CASK: variants seen among roughly 807,000 people sequenced by gnomAD.
CASK encodes the protein calcium/calmodulin dependent serine protein kinase, also known as peripheral plasma membrane protein CASK.
CASK carries 4 observed loss-of-function variants against 82.9 expected under a neutral mutation model. That is an observed-to-expected ratio of 0.05 (90% CI 0.02 to 0.11). The LOEUF is 0.11. Ranked by LOEUF, CASK falls within the 10% of genes least tolerant of loss-of-function variation. The pLI is 1.00. For synonymous variants in CASK, 259 were observed against 253.5 expected, an observed-to-expected ratio of 1.02 and a Z score of -0.20; for missense variants, 358 against 720.9, an observed-to-expected ratio of 0.50 and a Z score of 5.76.
At chrX:41,555,551 C>T (rs1401888650) in intron 20 of CASK, 49 bp downstream of exon 20, 2 of 967,333 alleles carry the variant, frequency 2.1e-6, no homozygotes, top group Non-Finnish European at 3.0e-6. Context: ...AAAGGATTGG[C>T]TATTAGCTGC....
At chrX:41,841,469 C>A (rs1316078556) in intron 2 of CASK, among the ~76,000 whole-genome samples, 1 of 107,527 alleles carries the variant, frequency 9.3e-6, no homozygotes, top group African/African-American at 3.4e-5. Flanking sequence ...ATATGATTTG[C>A]AAATAGTTCC....
Position 41,531,264 on chromosome X carries a change from C to T in CASK, c.2318-55G>A, listed in dbSNP as rs1050084691. ...AAAGGCTGAGCTGATGAGCTTACTA[C>T]ACTCCCAACAGATTTACTCAAACCC... On this transcript the variant is annotated intron_variant, in intron 24 of 26. Coordinates refer to ENST00000378163, the MANE Select transcript of CASK (RefSeq NM_001367721.1). 3 of 913,491 alleles carry T rather than the reference C, an allele frequency of 3.3e-6. No homozygotes were observed. In the African/African-American group the frequency reaches 5.8e-5, roughly 18 times the overall value. 75.3% of individuals were successfully genotyped at this position (913,491 alleles called of 1,213,427 possible). A position where few individuals can be genotyped will look rare whatever the true frequency, so the allele number is the denominator to read the frequency against.
chrX:41,799,080 A>T (rs1169168493), intron 2 of CASK, among the ~76,000 whole-genome samples: 1 of 112,656 alleles, frequency 8.9e-6, no homozygotes, highest in Non-Finnish European at 1.9e-5. Flanking sequence ...AATAAAGCTC[A>T]ATCAAGCAAA....
chrX:41,608,444 G>T (rs186249629), intron 12 of CASK, among the ~76,000 whole-genome samples: 40 of 111,932 alleles, frequency 3.6e-4, no homozygotes, highest in African/African-American at 1.3e-3. Context: ...AACACATTCT[G>T]GGAAATTTTG....
intron 5 of CASK, among the ~76,000 whole-genome samples, chrX:41,700,678 C>T (rs1439928141): frequency 2.9e-5 from 3 of 102,142 alleles, no homozygotes; most frequent in Admixed American, 1.1e-4. Context: ...CTCCTGGGTT[C>T]AAGCAATTCT....
At chrX:41,718,274 T>C (rs1215006922) in intron 5 of CASK, among the ~76,000 whole-genome samples, 2 of 113,263 alleles carry the variant, frequency 1.8e-5, no homozygotes, top group African/African-American at 6.4e-5. Flanking sequence ...CTTTGTAATA[T>C]ACTTTATAAT....
At chrX:41,599,487 C>T (rs746352952) in intron 12 of CASK, among the ~76,000 whole-genome samples, 1 of 112,171 alleles carries the variant, frequency 8.9e-6, no homozygotes, top group South Asian at 3.7e-4. Context: ...ATCCTGACAG[C>T]AAAAGAACCT....
rs754272384 is a variant in CASK at position 41,525,766 on chromosome X, C to G, written c.2521-1732G>C. ...CTCTTGGCTGAAGGGACTCTCTTAG[C>G]CTCTTTGTGTATACAGGCATGTAAG... On this transcript the variant is annotated intron_variant, in intron 25 of 26. Coordinates refer to ENST00000378163, the MANE Select transcript of CASK (RefSeq NM_001367721.1). Among the ~76,000 whole-genome samples, 488 of 112,283 alleles carry G rather than the reference C, an allele frequency of 4.3e-3. 3 individuals are homozygous for G. The highest frequency in any genetic ancestry group is 0.015 in the African/African-American group (467 of 30,908).
At chrX:41,791,679 C>T (rs1411285291) in intron 2 of CASK, among the ~76,000 whole-genome samples, 1 of 106,708 alleles carries the variant, frequency 9.4e-6, no homozygotes, top group African/African-American at 3.4e-5. Flanking sequence ...GCCGAGATCA[C>T]GCCACTGCAT....
chrX:41,809,946 A>G (rs185900442), intron 2 of CASK, among the ~76,000 whole-genome samples: 12 of 112,561 alleles, frequency 1.1e-4, no homozygotes, highest in Non-Finnish European at 2.1e-4. Flanking sequence ...ACAAATGCAC[A>G]AGCTTCAGTA....
intron 2 of CASK, among the ~76,000 whole-genome samples, chrX:41,852,890 T>C (rs1268672163): frequency 9.0e-6 from 1 of 111,173 alleles, no homozygotes; most frequent in Non-Finnish European, 1.9e-5. Context: ...CATAGGCCCA[T>C]AGAAATCCTA....
At chrX:41,603,501 A>C (rs1015872557) in intron 12 of CASK, among the ~76,000 whole-genome samples, 19 of 112,472 alleles carry the variant, frequency 1.7e-4, no homozygotes, top group Non-Finnish European at 1.9e-4. Flanking sequence ...CAAAATATGA[A>C]AGATTCCAAG....
At chrX:41,599,177 A>C (rs772812297) in intron 12 of CASK, among the ~76,000 whole-genome samples, 17 of 111,824 alleles carry the variant, frequency 1.5e-4, no homozygotes, top group Non-Finnish European at 3.0e-4. Context: ...GTAATGGACA[A>C]CTGCTTACTG....
intron 5 of CASK, among the ~76,000 whole-genome samples, chrX:41,677,270 AGAT>A (rs1164883348): frequency 9.0e-6 from 1 of 111,617 alleles, no homozygotes; most frequent in Non-Finnish European, 1.9e-5. Context: ...AACAGTACAC[AGAT>A]GATATTTACA....
chrX:41,639,396 A>G (rs1489341229), intron 8 of CASK, among the ~76,000 whole-genome samples: 1 of 106,771 alleles, frequency 9.4e-6, no homozygotes, highest in East Asian at 2.9e-4. Flanking sequence ...GTAAATAAAC[A>G]TTAGTAGTTT....
At chrX:41,922,413 T>A (rs139049744) in intron 1 of CASK, among the ~76,000 whole-genome samples, 1 of 111,204 alleles carries the variant, frequency 9.0e-6, no homozygotes, top group Non-Finnish European at 1.9e-5. Context: ...AGGAGGGAAT[T>A]TGCTGAAACT....
At chrX:41,643,533 C>T (rs1271551923) in intron 8 of CASK, among the ~76,000 whole-genome samples, 4 of 111,508 alleles carry the variant, frequency 3.6e-5, no homozygotes, top group Admixed American at 9.6e-5. Flanking sequence ...CTCTTTGAAG[C>T]AATTGTGAAT....
At position 41,618,976 on chromosome X, in the gene CASK, G is replaced by A. The variant is rs946774694; in HGVS notation, c.1033+3641C>T. 1.8e-5 allele frequency among the ~76,000 whole-genome samples: 2 copies of A among 108,276 alleles called. 1 individual carries two copies. The highest frequency in any genetic ancestry group is 3.8e-5 in the Non-Finnish European group (2 of 52,209). The allele number at this position is 108,276 out of a possible 115,157, so 94.0% of individuals were successfully genotyped here. ...CGAGTAGCTGGGACTACGGGCACCC[G>A]CCACCACACCTGGCTAATTTTTTTT... is the stretch of plus-strand genomic sequence containing the variant. On this transcript the variant is annotated intron_variant, in intron 11 of 26. Transcript: ENST00000378163.
intron 1 of CASK, among the ~76,000 whole-genome samples, chrX:41,875,726 C>T (rs1033962309): frequency 2.7e-5 from 3 of 110,499 alleles, no homozygotes; most frequent in African/African-American, 9.9e-5. Flanking sequence ...AATACCAGTA[C>T]AAAAGAAGAC....
Sources: gnomAD v4.1 joint callset for allele counts (sites outside exome capture counted in the v4.1 genomes callset) on GRCh38, gnomAD v4.1.1 for gene constraint, MANE v1.5 for transcripts, NCBI Gene and HGNC (gene_info 2026-07-23, HGNC 2026-07-21) for gene names.